The following MDFIC variants were observed in gnomAD, a reference collection of about 807,000 sequenced individuals.
MDFIC encodes the protein myoD family inhibitor domain-containing protein.
In MDFIC, 17 loss-of-function variants were observed where a neutral mutation model predicts 23.2. That is an observed-to-expected ratio of 0.73 (90% CI 0.50 to 1.10). The LOEUF (loss-of-function observed/expected upper bound fraction) is 1.10, where lower values mean the gene tolerates loss of function less well. Among genes scored for constraint, MDFIC ranks in the 50% least tolerant of loss-of-function variants. MDFIC has a pLI of 0.00. For synonymous variants in MDFIC, 120 were observed against 115.2 expected, an observed-to-expected ratio of 1.04 and a Z score of -0.27; for missense variants, 356 against 316.6, an observed-to-expected ratio of 1.12 and a Z score of -0.95.
At chr7:114,933,440 G>A (rs1452582062) in intron 2 of MDFIC, among the ~76,000 whole-genome samples, 1 of 152,052 alleles carries the variant, frequency 6.6e-6, no homozygotes, top group Non-Finnish European at 1.5e-5. Context: ...TGTATTTTTA[G>A]TAGAGAAGGG....
At chr7:115,013,053 T>C (rs1791711963) in intron 4 of MDFIC, among the ~76,000 whole-genome samples, 1 of 152,076 alleles carries the variant, frequency 6.6e-6, no homozygotes, top group Admixed American at 6.5e-5. Context: ...ACTAAGCACC[T>C]GGAAAATGAG....
At chr7:114,928,947 T>C (rs532775569) in intron 2 of MDFIC, among the ~76,000 whole-genome samples, 13 of 152,176 alleles carry the variant, frequency 8.5e-5, no homozygotes, top group African/African-American at 1.9e-4. Context: ...CCTGAGGGAA[T>C]AGATTTTTAC....
At chr7:115,006,988 AG>A (rs1291162717) in intron 4 of MDFIC, among the ~76,000 whole-genome samples, 2 of 152,222 alleles carry the variant, frequency 1.3e-5, no homozygotes, top group Non-Finnish European at 2.9e-5. Context: ...TGGAAAAAAT[AG>A]GTTATTATTT....
At chr7:114,978,456 C>T (rs1793356278) in intron 3 of MDFIC, among the ~76,000 whole-genome samples, 1 of 151,950 alleles carries the variant, frequency 6.6e-6, no homozygotes, top group South Asian at 2.1e-4. Flanking sequence ...TGCCATAAAA[C>T]CTCTGCCCAT....
chr7:114,967,349 A>C (rs989718170), intron 3 of MDFIC, among the ~76,000 whole-genome samples: 1 of 152,212 alleles, frequency 6.6e-6, no homozygotes. Flanking sequence ...TTTTTAGAAA[A>C]AGACATTAAG....
At chr7:114,942,609 G>A (rs1326252649) in intron 3 of MDFIC, among the ~76,000 whole-genome samples, 1 of 152,092 alleles carries the variant, frequency 6.6e-6, no homozygotes, top group Admixed American at 6.6e-5. Flanking sequence ...AAGAATTGAC[G>A]CGTAAATATT....
chr7:114,933,072 G>C (rs993379735), intron 2 of MDFIC, among the ~76,000 whole-genome samples: 4 of 152,016 alleles, frequency 2.6e-5, no homozygotes, highest in African/African-American at 7.2e-5. Flanking sequence ...GCCAAGTAAG[G>C]GTTCTTTGCT....
intron 3 of MDFIC, among the ~76,000 whole-genome samples, chr7:114,977,770 A>T (rs1036297502): frequency 6.6e-6 from 1 of 151,662 alleles, no homozygotes; most frequent in Non-Finnish European, 1.5e-5. Context: ...CACTTTAAAT[A>T]AAAAGTTTTG....
At chr7:114,948,219 A>AT (rs1403659476) in intron 3 of MDFIC, among the ~76,000 whole-genome samples, 1 of 26,830 alleles carries the variant, frequency 3.7e-5, no homozygotes, top group East Asian at 0.083. Flanking sequence ...TATTCCATTT[A>AT]TTCTTCTAAC....
chr7:114,984,926 T>C (rs982004033), intron 4 of MDFIC, among the ~76,000 whole-genome samples: 2 of 152,226 alleles, frequency 1.3e-5, no homozygotes, highest in Non-Finnish European at 1.5e-5. Flanking sequence ...TTAGTATGCA[T>C]AGAGAAATAC....
intron 3 of MDFIC, among the ~76,000 whole-genome samples, chr7:114,964,737 A>C (rs1256992639): frequency 1.3e-5 from 2 of 151,960 alleles, no homozygotes; most frequent in African/African-American, 2.4e-5. Flanking sequence ...TTTTAGTAGA[A>C]ACAGGGTTTT....
intron 4 of MDFIC, among the ~76,000 whole-genome samples, chr7:115,000,608 AT>A (rs535970962): frequency 1.3e-5 from 2 of 152,038 alleles, no homozygotes; most frequent in East Asian, 1.9e-4. Context: ...GAGAACACAG[AT>A]TTTTTTTGAA....
intron 4 of MDFIC, among the ~76,000 whole-genome samples, chr7:114,998,065 G>A (rs566024344): frequency 5.9e-5 from 9 of 152,238 alleles, no homozygotes; most frequent in African/African-American, 9.6e-5. Context: ...GATTTTAGAA[G>A]CATTTCAAAA....
At chr7:114,995,379 A>G (rs1310742669) in intron 4 of MDFIC, among the ~76,000 whole-genome samples, 5 of 152,072 alleles carry the variant, frequency 3.3e-5, no homozygotes, top group East Asian at 1.9e-4. Context: ...GCTTTGTTCC[A>G]TTGCTGGCGA....
At chr7:114,961,390 G>A (rs1792988913) in intron 3 of MDFIC, among the ~76,000 whole-genome samples, 1 of 152,128 alleles carries the variant, frequency 6.6e-6, no homozygotes, top group Non-Finnish European at 1.5e-5. Context: ...TAGCAGCCCT[G>A]AGCTCCTGAC....
At chr7:114,980,762 G>A (rs1416478798) in intron 4 of MDFIC, among the ~76,000 whole-genome samples, 2 of 152,106 alleles carry the variant, frequency 1.3e-5, no homozygotes, top group African/African-American at 4.8e-5. Flanking sequence ...TTAAGTAAGA[G>A]AAATTTTGTG....
chr7:115,004,511 C>T lies in MDFIC; in HGVS notation c.494-11177C>T, dbSNP rs372834319. Among the ~76,000 whole-genome samples the T allele has an allele frequency of 1.2e-3, 188 of 152,358 alleles. 1 individual carries two copies. The highest frequency in any genetic ancestry group is 4.3e-3 in the African/African-American group (177 of 41,578). On this transcript the variant is annotated intron_variant, in intron 4 of 4. Coordinates refer to ENST00000393486, the MANE Select transcript of MDFIC (RefSeq NM_001166345.3). ...GAACTCATTACTTACTCTACCAGCA[C>T]GATGTGTTTGTCCAAATCACAACAG...
intron 2 of MDFIC, among the ~76,000 whole-genome samples, chr7:114,931,177 T>G (rs1792301680): frequency 6.6e-6 from 1 of 152,248 alleles, no homozygotes; most frequent in African/African-American, 2.4e-5. Flanking sequence ...AGGAAAGCTT[T>G]TTAACCTTAA....
In MDFIC at chr7:115,015,948, T is replaced by C; in HGVS notation, c.*13T>C. On this transcript the variant is annotated 3_prime_UTR_variant, in exon 5 of 5. Transcript: ENST00000393486. ...TTTTCCTTCATAAATATTTATCTTTTGTTTGTGTTAAAACTGGAGAGTGTT... is the reference window on the plus strand; with the variant it reads ...TTTTCCTTCATAAATATTTATCTTTCGTTTGTGTTAAAACTGGAGAGTGTT... The C allele has an allele frequency of 6.2e-7, 1 of 1,607,876 alleles. No homozygotes were observed. Among genetic ancestry groups the C allele is most frequent in the Admixed American group, 1.7e-5 (1 of 59,638 alleles).
Sources: allele counts gnomAD v4.1 joint callset (sites outside exome capture counted in the v4.1 genomes callset), GRCh38; gene constraint gnomAD v4.1.1; transcripts MANE v1.5; gene names NCBI Gene and HGNC (gene_info 2026-07-23, HGNC 2026-07-21).